NBEA: variants seen among roughly 807,000 people sequenced by gnomAD.
NBEA encodes lysosomal-trafficking regulator 2.
NBEA carries 44 observed loss-of-function variants against 343.4 expected under a neutral mutation model. The observed-to-expected ratio is 0.13, with a 90% confidence interval of 0.10 to 0.16. The LOEUF is 0.16. Ranked by LOEUF, NBEA falls within the 10% of genes least tolerant of loss-of-function variation. NBEA has a pLI of 1.00. For synonymous variants in NBEA, 1,175 were observed against 1,238.7 expected, an observed-to-expected ratio of 0.95 and a Z score of 1.08; for missense variants, 2,555 against 3,631.3, an observed-to-expected ratio of 0.70 and a Z score of 7.62.
At chr13:35,646,126 GA>G in intron 50 of NBEA, 132 bp from the exon 51 acceptor site, 1 of 755,538 alleles carries the variant, frequency 1.3e-6, no homozygotes, top group Non-Finnish European at 2.2e-6. Context: ...TGCACCCTGA[GA>G]AAAGAGCACC....
intron 39 of NBEA, among the ~76,000 whole-genome samples, chr13:35,444,411 T>C (rs571671970): frequency 2.6e-5 from 4 of 152,036 alleles, no homozygotes; most frequent in Non-Finnish European, 5.9e-5. Flanking sequence ...AAAGTATTCA[T>C]GTAATTAATG....
intron 1 of NBEA, among the ~76,000 whole-genome samples, chr13:35,004,175 A>G (rs2061238872): frequency 6.6e-6 from 1 of 152,034 alleles, no homozygotes; most frequent in Non-Finnish European, 1.5e-5. Flanking sequence ...TATCCAGTAT[A>G]TTATTGATGG....
intron 41 of NBEA, chr13:35,475,476 C>T (rs45597031): frequency 8.7e-6 from 14 of 1,612,576 alleles, no homozygotes; most frequent in Non-Finnish European, 1.2e-5. Context: ...CCGAGCTCTG[C>T]TTGCCGGCCA....
intron 31 of NBEA, among the ~76,000 whole-genome samples, chr13:35,203,567 A>G (rs2073165783): frequency 6.6e-6 from 1 of 152,118 alleles, no homozygotes; most frequent in Non-Finnish European, 1.5e-5. Flanking sequence ...CAGGGATTTT[A>G]TTCTATATAT....
chr13:34,978,322 A>G (rs777478764), intron 1 of NBEA, among the ~76,000 whole-genome samples: 1 of 152,138 alleles, frequency 6.6e-6, no homozygotes, highest in Non-Finnish European at 1.5e-5. Flanking sequence ...GAACACCCAT[A>G]TATGTACCAC....
chr13:35,262,279 T>C (rs1344631977), intron 34 of NBEA, among the ~76,000 whole-genome samples: 1 of 152,242 alleles, frequency 6.6e-6, no homozygotes, highest in Non-Finnish European at 1.5e-5. Flanking sequence ...AAGTTTCTTA[T>C]TTAGTTAAAC....
chr13:35,161,756 C>A lies in NBEA; in HGVS notation c.3868C>A (p.Gln1290Lys). The A allele has an allele frequency of 6.2e-7, 1 of 1,608,956 alleles. No individual in the cohort carries two copies. The highest frequency in any genetic ancestry group is 1.1e-5 in the South Asian group (1 of 89,848). ...TCATCTTTTCCTTCTTTAGGCTGTG[C>A]AGGGTCGGTCTATCACCCAACAAGA... ...IQTTTTTQAV[Q>K]GRSITQQDRD... The change falls in exon 23 of 59, where the codon CAG becomes AAG. Residue 1290 changes from glutamine to lysine, a missense_variant. Transcript: ENST00000379939.
intron 1 of NBEA, among the ~76,000 whole-genome samples, chr13:35,033,723 T>C (rs978832401): frequency 6.6e-6 from 1 of 151,846 alleles, no homozygotes; most frequent in African/African-American, 2.4e-5. Flanking sequence ...CTTTCACTTC[T>C]TGGAGTACAT....
intron 36 of NBEA, among the ~76,000 whole-genome samples, chr13:35,344,741 G>T (rs2039777849): frequency 6.6e-6 from 1 of 152,066 alleles, no homozygotes; most frequent in African/African-American, 2.4e-5. Flanking sequence ...CTTTAAGTAT[G>T]AAAGGAAGTT....
intron 38 of NBEA, among the ~76,000 whole-genome samples, chr13:35,422,299 TC>T (rs1411851738): frequency 1.5e-4 from 14 of 92,188 alleles, no homozygotes; most frequent in African/African-American, 5.0e-4. Flanking sequence ...CCTTCCCCCC[TC>T]CCCCCACCCC....
chr13:35,196,048 A>G lies in NBEA; in HGVS notation c.5112A>G (p.Leu1704=), dbSNP rs1229090680. The G allele has an allele frequency of 6.2e-7, 1 of 1,613,552 alleles. No individual in the cohort carries two copies. The highest frequency in any genetic ancestry group is 8.5e-7 in the Non-Finnish European group (1 of 1,179,746). ...STGPDAMSEL[L]STLSSEVKKS... ...GCCCTGATGCCATGAGTGAACTCTT[A>G]TCCACTTTGTCATCCGAAGTGAAGA... Residue 1704 remains leucine, a synonymous_variant, in exon 31 of 59, where the codon TTA becomes TTG. Transcript: ENST00000379939.
chr13:35,219,560 CAT>C (rs1418606717), intron 33 of NBEA, among the ~76,000 whole-genome samples: 6 of 152,076 alleles, frequency 3.9e-5, no homozygotes, highest in Admixed American at 6.6e-5. Flanking sequence ...TGCATATACA[CAT>C]GATTTATTAT....
rs182719531 is a variant in NBEA at position 34,971,891 on chromosome 13, T to A, written c.294+28777T>A. On this transcript the variant is annotated intron_variant, in intron 1 of 58. Coordinates refer to ENST00000379939, the MANE Select transcript of NBEA (RefSeq NM_001385012.1). ...TAGGGAGGAGTCCCTCCTTTTCAAA[T>A]TTTTTGGAATAGTTTCAATAGGAAT... is the stretch of plus-strand genomic sequence containing the variant. Among the ~76,000 whole-genome samples, 106 of 152,064 alleles carry A rather than the reference T, an allele frequency of 7.0e-4. 3 individuals are homozygous for A. In the East Asian group the frequency reaches 0.015, roughly 22 times the overall value.
intron 1 of NBEA, among the ~76,000 whole-genome samples, chr13:34,971,120 T>G (rs2059984366): frequency 6.6e-6 from 1 of 152,100 alleles, no homozygotes; most frequent in African/African-American, 2.4e-5. Context: ...CCCAGGTAAT[T>G]TATTCTTTTT....
chr13:35,651,711 C>T, intron 52 of NBEA, 94 bp from the exon 53 acceptor site: 1 of 748,816 alleles, frequency 1.3e-6, no homozygotes, highest in Non-Finnish European at 2.3e-6. Flanking sequence ...AGCAAATATG[C>T]ATTTTGTAAA....
chr13:34,964,095 T>C (rs1450234079), intron 1 of NBEA, among the ~76,000 whole-genome samples: 1 of 152,046 alleles, frequency 6.6e-6, no homozygotes, highest in East Asian at 1.9e-4. Flanking sequence ...CTATGCTTAC[T>C]GCCTGTTTTT....
chr13:35,163,666 G>T (rs2069754726), intron 23 of NBEA, among the ~76,000 whole-genome samples: 1 of 151,686 alleles, frequency 6.6e-6, no homozygotes, highest in African/African-American at 2.4e-5. Flanking sequence ...ACGAAAGCAG[G>T]GTATTTTTTT....
rs568070072 is a variant in NBEA at position 35,649,911 on chromosome 13, G to A, written c.7963+64G>A. The A allele has an allele frequency of 1.3e-4, 168 of 1,260,330 alleles. No individual in the cohort carries two copies. In the South Asian group the frequency reaches 2.0e-3, roughly 15 times the overall value. 78.1% of individuals were successfully genotyped at this position (1,260,330 alleles called of 1,614,324 possible). ...TAAAAGCTACAATTAAAGTAAAAAA[G>A]TGTACTGGGACTGGGATTAGCTCAT... is the stretch of plus-strand genomic sequence containing the variant. On this transcript the variant is annotated intron_variant, in intron 52 of 58. Transcript: ENST00000379939.
chr13:35,196,704 A>C (rs1227951106), intron 31 of NBEA, among the ~76,000 whole-genome samples: 3 of 152,064 alleles, frequency 2.0e-5, no homozygotes, highest in Non-Finnish European at 4.4e-5. Context: ...AAAATACTAT[A>C]ATAATTGTTG....
Sources: gnomAD v4.1 joint callset for allele counts (sites outside exome capture counted in the v4.1 genomes callset) on GRCh38, gnomAD v4.1.1 for gene constraint, MANE v1.5 for transcripts, NCBI Gene and HGNC (gene_info 2026-07-23, HGNC 2026-07-21) for gene names.